CTNND2: variants seen among roughly 807,000 people sequenced by gnomAD.
The protein encoded by CTNND2 is catenin delta-2.
Under a neutral mutation model 144.4 loss-of-function variants are expected in CTNND2, and 22 were observed. The observed-to-expected ratio is 0.15, with a 90% CI of 0.11 to 0.22. The LOEUF (loss-of-function observed/expected upper bound fraction) is 0.22. Ranked by LOEUF, CTNND2 falls within the 10% of genes least tolerant of loss-of-function variation. CTNND2 has a pLI of 1.00. For synonymous variants in CTNND2, 751 were observed against 695.6 expected, an observed-to-expected ratio of 1.08 and a Z score of -1.25; for missense variants, 1,353 against 1,618.8, an observed-to-expected ratio of 0.84 and a Z score of 2.82.
At chr5:11,732,751 T>C (rs566504632) in intron 1 of CTNND2, among the ~76,000 whole-genome samples, 1 of 152,200 alleles carries the variant, frequency 6.6e-6, no homozygotes, top group East Asian at 1.9e-4. Context: ...TGGTACTGGG[T>C]GTGTCAGGTC....
chr5:11,396,046 GGT>G (rs1491004922), intron 6 of CTNND2, among the ~76,000 whole-genome samples: 3,183 of 152,288 alleles, frequency 0.021, 115 homozygotes, highest in African/African-American at 0.072. Flanking sequence ...TGGGCTCGGG[GGT>G]TACAGAGCCA....
intron 3 of CTNND2, among the ~76,000 whole-genome samples, chr5:11,518,837 C>T (rs1772446325): frequency 1.3e-5 from 2 of 152,112 alleles, no homozygotes; most frequent in African/African-American, 2.4e-5. Flanking sequence ...GTACACTCTA[C>T]GATGTTCACA....
intron 1 of CTNND2, among the ~76,000 whole-genome samples, chr5:11,871,291 A>G (rs183671662): frequency 1.3e-5 from 2 of 152,308 alleles, no homozygotes; most frequent in African/African-American, 4.8e-5. Flanking sequence ...TCATGTTTAC[A>G]TGGCTTAGTC....
chr5:11,199,290 C>T (rs1191995149), intron 11 of CTNND2, among the ~76,000 whole-genome samples, 158 bp downstream of exon 11: 1 of 152,140 alleles, frequency 6.6e-6, no homozygotes, highest in Non-Finnish European at 1.5e-5. Flanking sequence ...CATCTGATAC[C>T]ATTTTCTTCA....
At chr5:11,438,131 T>C (rs1471229054) in intron 3 of CTNND2, among the ~76,000 whole-genome samples, 2 of 152,222 alleles carry the variant, frequency 1.3e-5, no homozygotes, top group African/African-American at 4.8e-5. Context: ...CAGCTGTGTA[T>C]TGTGGACTGG....
chr5:11,310,158 A>G (rs1030745364), intron 9 of CTNND2, among the ~76,000 whole-genome samples: 3 of 152,086 alleles, frequency 2.0e-5, no homozygotes, highest in South Asian at 2.1e-4. Context: ...GTCCCTTCCA[A>G]TGGGCTAGGT....
chr5:11,626,424 G>C (rs1396444461), intron 2 of CTNND2, among the ~76,000 whole-genome samples: 1 of 152,192 alleles, frequency 6.6e-6, no homozygotes, highest in Non-Finnish European at 1.5e-5. Flanking sequence ...AGGTAGGAAA[G>C]ATTTGCATAA....
At chr5:11,187,125 A>G (rs964292527) in intron 11 of CTNND2, among the ~76,000 whole-genome samples, 8 of 152,192 alleles carry the variant, frequency 5.3e-5, no homozygotes, top group African/African-American at 1.9e-4. Flanking sequence ...GGCATCTGCA[A>G]AGTCCTACTC....
chr5:11,165,303 A>G (rs1401220025), intron 11 of CTNND2, among the ~76,000 whole-genome samples: 1 of 152,184 alleles, frequency 6.6e-6, no homozygotes, highest in Non-Finnish European at 1.5e-5. Context: ...TCATTTGGGT[A>G]ATTTTCTTAT....
At chr5:11,638,921 CA>C (rs1393078329) in intron 2 of CTNND2, among the ~76,000 whole-genome samples, 9 of 152,102 alleles carry the variant, frequency 5.9e-5, no homozygotes, top group Non-Finnish European at 1.3e-4. Flanking sequence ...TCTTTATACG[CA>C]AAAAGATTTC....
At chr5:11,457,358 A>G (rs1207130103) in intron 3 of CTNND2, among the ~76,000 whole-genome samples, 3 of 152,140 alleles carry the variant, frequency 2.0e-5, no homozygotes, top group Non-Finnish European at 2.9e-5. Context: ...ATTTTCTAGA[A>G]GTAGAATTGC....
At chr5:11,844,066 C>T (rs1236505638) in intron 1 of CTNND2, among the ~76,000 whole-genome samples, 1 of 152,134 alleles carries the variant, frequency 6.6e-6, no homozygotes, top group Non-Finnish European at 1.5e-5. Flanking sequence ...TTTTAGTTTA[C>T]TCATCATTTA....
chr5:11,290,589 C>T (rs1486840126), intron 9 of CTNND2, among the ~76,000 whole-genome samples: 1 of 152,128 alleles, frequency 6.6e-6, no homozygotes. Context: ...AACAAATGAT[C>T]CTGAATGCAA....
At chr5:11,721,963 T>G (rs1437383603) in intron 2 of CTNND2, among the ~76,000 whole-genome samples, 2 of 152,196 alleles carry the variant, frequency 1.3e-5, no homozygotes, top group Non-Finnish European at 2.9e-5. Flanking sequence ...GAAATTGTGA[T>G]CTAGCACTCT....
chr5:11,728,639 G>A (rs763773687), intron 2 of CTNND2, among the ~76,000 whole-genome samples: 89 of 152,068 alleles, frequency 5.9e-4, no homozygotes, highest in Non-Finnish European at 1.2e-3. Context: ...TCAAGAATAC[G>A]GTTTATAATG....
intron 1 of CTNND2, among the ~76,000 whole-genome samples, chr5:11,798,020 G>C (rs965667879): frequency 1.3e-5 from 2 of 152,078 alleles, no homozygotes; most frequent in African/African-American, 4.8e-5. Flanking sequence ...CATTTTGGGA[G>C]GCCAAGGTGG....
At chr5:11,395,907 A>AT (rs537213054) in intron 6 of CTNND2, among the ~76,000 whole-genome samples, 176 of 152,306 alleles carry the variant, frequency 1.2e-3, no homozygotes, top group Middle Eastern at 0.01. Flanking sequence ...CTCTGCATTC[A>AT]TTTTTTGGGG....
At chr5:11,302,410 C>T (rs1245792177) in intron 9 of CTNND2, among the ~76,000 whole-genome samples, 1 of 152,120 alleles carries the variant, frequency 6.6e-6, no homozygotes, top group Non-Finnish European at 1.5e-5. Context: ...AGGGATGTGT[C>T]ATCTTTCAAC....
intron 9 of CTNND2, among the ~76,000 whole-genome samples, chr5:11,238,668 TAC>T (rs1164480092): frequency 1.3e-5 from 2 of 152,182 alleles, no homozygotes; most frequent in African/African-American, 4.8e-5. Context: ...TAAATTTACA[TAC>T]AGTCAGACAG....
Sources: allele counts gnomAD v4.1 joint callset (sites outside exome capture counted in the v4.1 genomes callset), GRCh38; gene constraint gnomAD v4.1.1; transcripts MANE v1.5; gene names NCBI Gene and HGNC (gene_info 2026-07-23, HGNC 2026-07-21).